Variants in ABCB5 observed in about 807,000 individuals in gnomAD.
ABCB5 encodes the protein ATP-binding cassette sub-family B member 5.
Under a neutral mutation model 144.2 loss-of-function variants are expected in ABCB5, and 155 were observed. That is an observed-to-expected ratio of 1.08 (90% CI 0.94 to 1.23). The LOEUF (loss-of-function observed/expected upper bound fraction) is 1.23. Among genes scored for constraint, ABCB5 ranks in the 50% most tolerant of loss-of-function variants. The pLI is 0.00. For synonymous variants in ABCB5, 610 were observed against 528.6 expected (o/e 1.15, Z -2.11); for missense variants, 1,830 against 1,520.8 (o/e 1.20, Z -3.38).
At chr7:20,649,923 G>C in intron 11 of ABCB5, 99 bp from the exon 12 acceptor site, 1 of 1,340,854 alleles carries the variant, frequency 7.5e-7, no homozygotes, top group Non-Finnish European at 1.0e-6. Flanking sequence ...GTTTTTAGAA[G>C]AATTTGTTTT....
chr7:20,751,994 GACAC>G (rs1444812099), intron 26 of ABCB5, among the ~76,000 whole-genome samples: 2 of 152,176 alleles, frequency 1.3e-5, no homozygotes, highest in Non-Finnish European at 2.9e-5. Context: ...AGATGACGTA[GACAC>G]ATTTTGTTAT....
In ABCB5 at chr7:20,649,965, T is replaced by C. The variant is rs989893264; in HGVS notation, c.1207-57T>C. On this transcript the variant is annotated intron_variant, in intron 11 of 27. Transcript: ENST00000404938. ...TAATTATGTACTCATTTTCTGAAAATGTGTCCATCATCTTCTTATTGTGGT... is the reference window on the plus strand; with the variant it reads ...TAATTATGTACTCATTTTCTGAAAACGTGTCCATCATCTTCTTATTGTGGT... 5.2e-6 allele frequency: 8 copies of C among 1,534,752 alleles called. No homozygotes were observed. The African/African-American group carries it at 5.5e-5, about 11-fold the overall frequency.
intron 5 of ABCB5, among the ~76,000 whole-genome samples, chr7:20,640,442 T>A (rs1308446889): frequency 1.3e-5 from 2 of 152,188 alleles, no homozygotes; most frequent in Non-Finnish European, 2.9e-5. Flanking sequence ...CACTCCTGAA[T>A]GAAACTTATC....
chr7:20,726,936 G>A (rs1727517796), intron 21 of ABCB5, 104 bp from the exon 22 acceptor site: 1 of 627,666 alleles, frequency 1.6e-6, no homozygotes, highest in Admixed American at 3.4e-5. Flanking sequence ...TTACTGACTT[G>A]ATATACTTAA....
At chr7:20,728,229 G>T in intron 22 of ABCB5, 86 bp from the exon 23 acceptor site, 8 of 1,394,400 alleles carry the variant, frequency 5.7e-6, no homozygotes, top group South Asian at 3.4e-5. Flanking sequence ...ACATTTCAAA[G>T]TCCTCTCTAT....
chr7:20,755,421 T>G lies in ABCB5; in HGVS notation c.3577-6T>G, dbSNP rs1416469128. 8.7e-6 allele frequency: 14 copies of G among 1,613,970 alleles called. No homozygotes were observed. Among genetic ancestry groups the G allele is most frequent in the Non-Finnish European group, 1.2e-5 (14 of 1,179,838 alleles). On this transcript the variant is annotated splice_region_variant and splice_polypyrimidine_tract_variant and intron_variant, in intron 27 of 27. Coordinates refer to ENST00000404938, the MANE Select transcript of ABCB5 (RefSeq NM_001163941.2). Reference sequence around the variant, plus strand: ...ACTGGTGATCACAGGTCTTTCTCTCTTCCAGGTGGTTCAGCATGCCCTTGA... The same window carrying G: ...ACTGGTGATCACAGGTCTTTCTCTCGTCCAGGTGGTTCAGCATGCCCTTGA...
chr7:20,715,331 C>T (rs1412356721), intron 20 of ABCB5, among the ~76,000 whole-genome samples: 1 of 152,042 alleles, frequency 6.6e-6, no homozygotes, highest in Non-Finnish European at 1.5e-5. Flanking sequence ...CAGGTGTGAG[C>T]CGCCGCGCAT....
At chr7:20,659,547 A>G (rs1220349394) in intron 14 of ABCB5, 23 of 1,001,410 alleles carry the variant, frequency 2.3e-5, no homozygotes, top group Non-Finnish European at 2.7e-5. Context: ...TGCAAGTTTG[A>G]ACGCTTGTTT....
At chr7:20,725,452 G>A (rs1782005154) in intron 21 of ABCB5, among the ~76,000 whole-genome samples, 1 of 152,142 alleles carries the variant, frequency 6.6e-6, no homozygotes, top group Non-Finnish European at 1.5e-5. Flanking sequence ...GGTGGCACAC[G>A]CCTGCAATCC....
intron 20 of ABCB5, among the ~76,000 whole-genome samples, chr7:20,710,356 A>G (rs1786985251): frequency 1.9e-5 from 2 of 108,010 alleles, no homozygotes; most frequent in Non-Finnish European, 3.6e-5. Flanking sequence ...AACAAGAGTG[A>G]AACTCCACCT....
chr7:20,647,664 G>A lies in ABCB5; in HGVS notation c.1095+16G>A. ...TATTGATAAGGTAAGACCTCTTATTGCTTTGAAGAATAACTATCATTACTG... is the reference window on the plus strand; with the variant it reads ...TATTGATAAGGTAAGACCTCTTATTACTTTGAAGAATAACTATCATTACTG... On this transcript the variant is annotated intron_variant, in intron 10 of 27. Coordinates refer to ENST00000404938, the MANE Select transcript of ABCB5 (RefSeq NM_001163941.2). 5 of 1,548,598 alleles carry A rather than the reference G, an allele frequency of 3.2e-6. No individual in the cohort carries two copies. Among genetic ancestry groups the A allele is most frequent in the Non-Finnish European group, 4.4e-6 (5 of 1,147,168 alleles).
At chr7:20,666,447 C>T (rs912528553) in intron 14 of ABCB5, among the ~76,000 whole-genome samples, 2 of 152,152 alleles carry the variant, frequency 1.3e-5, no homozygotes, top group South Asian at 2.1e-4. Context: ...TCTATGTTTA[C>T]GGCAAGTCCC....
intron 26 of ABCB5, among the ~76,000 whole-genome samples, chr7:20,752,576 C>T (rs1294732817): frequency 6.6e-6 from 1 of 152,158 alleles, no homozygotes; most frequent in African/African-American, 2.4e-5. Context: ...TGGCCAGGCG[C>T]GGTAGCTCAC....
At chr7:20,676,167 T>TAC (rs60855145) in intron 14 of ABCB5, among the ~76,000 whole-genome samples, 64,352 of 124,280 alleles carry the variant, frequency 0.52, 14,134 homozygotes, top group East Asian at 0.63. Flanking sequence ...CTACTACACA[T>TAC]ACACACACAC....
intron 21 of ABCB5, among the ~76,000 whole-genome samples, chr7:20,726,030 T>C (rs1002759724): frequency 6.6e-5 from 10 of 152,234 alleles, no homozygotes; most frequent in Admixed American, 2.0e-4. Flanking sequence ...GGAAACAGAA[T>C]GTGAAAACAG....
chr7:20,743,219 A>G (rs574747352), intron 25 of ABCB5, 145 bp downstream of exon 25: 17 of 805,694 alleles, frequency 2.1e-5, no homozygotes, highest in Middle Eastern at 2.5e-4. Flanking sequence ...TCAACCCTTA[A>G]CTAAGAGGAC....
Position 20,685,687 on chromosome 7 carries a change from T to C in ABCB5, c.1870-9T>C. 1 of 1,592,710 alleles carries C rather than the reference T, an allele frequency of 6.3e-7. No homozygotes were observed. The highest frequency in any genetic ancestry group is 8.5e-7 in the Non-Finnish European group (1 of 1,170,368). On this transcript the variant is annotated splice_polypyrimidine_tract_variant and intron_variant, in intron 15 of 27. Coordinates refer to ENST00000404938, the MANE Select transcript of ABCB5 (RefSeq NM_001163941.2). The stretch of plus-strand genomic sequence containing the variant: ...CTTATAATGATAACCTATATATTCT[T>C]CCTGTAAGGATATTAAAAAAGCTGA...
At chr7:20,672,471 G>A (rs1785479385) in intron 14 of ABCB5, among the ~76,000 whole-genome samples, 1 of 152,014 alleles carries the variant, frequency 6.6e-6, no homozygotes, top group Non-Finnish European at 1.5e-5. Flanking sequence ...TAATACCCAG[G>A]TGACAGGTTG....
intron 20 of ABCB5, among the ~76,000 whole-genome samples, chr7:20,708,344 A>G (rs1786891967): frequency 6.6e-6 from 1 of 152,098 alleles, no homozygotes; most frequent in Admixed American, 6.5e-5. Flanking sequence ...GGCTCTTTTA[A>G]AAAAAGTTTT....
Sources: allele counts gnomAD v4.1 joint callset (sites outside exome capture counted in the v4.1 genomes callset), GRCh38; gene constraint gnomAD v4.1.1; transcripts MANE v1.5; gene names NCBI Gene and HGNC (gene_info 2026-07-23, HGNC 2026-07-21).